The following SLC5A8 variants were observed in gnomAD, a reference collection of about 807,000 sequenced individuals.
SLC5A8 encodes the protein solute carrier family 5 member 8, also known as sodium-coupled monocarboxylate transporter 1.
Under a neutral mutation model 71.9 loss-of-function variants are expected in SLC5A8, and 55 were observed. The observed-to-expected ratio is 0.77, with a 90% CI of 0.62 to 0.96. The LOEUF is 0.96. Ranked by LOEUF, SLC5A8 falls within the 40% of genes least tolerant of loss-of-function variation. SLC5A8 has a pLI of 0.00. For missense variants in SLC5A8, 701 were observed against 745.3 expected, an observed-to-expected ratio of 0.94 and a Z score of 0.69; for synonymous variants, 307 against 276.1, an observed-to-expected ratio of 1.11 and a Z score of -1.11.
At chr12:101,180,182 CA>C in intron 9 of SLC5A8, 86 bp from the exon 10 acceptor site, 1 of 1,331,672 alleles carries the variant, frequency 7.5e-7, no homozygotes, top group South Asian at 1.2e-5. Context: ...ACCTTTGATT[CA>C]AAGTGGATAA....
intron 13 of SLC5A8, among the ~76,000 whole-genome samples, chr12:101,158,762 A>G (rs2051699084): frequency 2.7e-5 from 4 of 150,748 alleles, no homozygotes. Flanking sequence ...CCTCCATGCC[A>G]TCAGTAAAAT....
chr12:101,209,491 C>T lies in SLC5A8; in HGVS notation c.351+7G>A. The T allele has an allele frequency of 1.3e-6, 2 of 1,570,598 alleles. No individual in the cohort carries two copies. Among genetic ancestry groups the T allele is most frequent in the Non-Finnish European group, 8.7e-7 (1 of 1,154,858 alleles). The stretch of plus-strand genomic sequence containing the variant: ...CCTGCATGGTCCCAGCCCACCCTGC[C>T]CCTTACCTCGTAGGTGCTGGTAATT... On this transcript the variant is annotated splice_region_variant and intron_variant, in intron 1 of 14. Coordinates refer to ENST00000536262, the MANE Select transcript of SLC5A8 (RefSeq NM_145913.5).
intron 7 of SLC5A8, among the ~76,000 whole-genome samples, chr12:101,185,488 A>G (rs1868594028): frequency 6.6e-6 from 1 of 152,238 alleles, no homozygotes; most frequent in South Asian, 2.1e-4. Flanking sequence ...GTAAAACTAT[A>G]TCTAGAAACT....
At chr12:101,190,682 G>A in intron 5 of SLC5A8, 74 bp from the exon 6 acceptor site, 1 of 1,402,958 alleles carries the variant, frequency 7.1e-7, no homozygotes, top group Non-Finnish European at 9.5e-7. Flanking sequence ...GACTATATTT[G>A]GAAGCAAGCA....
chr12:101,177,699 T>C (rs979342054), intron 10 of SLC5A8, among the ~76,000 whole-genome samples: 4 of 152,114 alleles, frequency 2.6e-5, no homozygotes, highest in Admixed American at 6.6e-5. Flanking sequence ...GAAGATCACA[T>C]GATCATATAA....
intron 13 of SLC5A8, 22 bp from the exon 14 acceptor site, chr12:101,158,350 A>T (rs369781454): frequency 4.0e-6 from 6 of 1,500,778 alleles, no homozygotes; most frequent in Non-Finnish European, 5.5e-6. Flanking sequence ...AATGTACATG[A>T]CTTACGTTGT....
At position 101,164,969 on chromosome 12, in the gene SLC5A8, A is replaced by G. The variant is rs562141890; in HGVS notation, c.1526+1525T>C. 1.5e-3 allele frequency among the ~76,000 whole-genome samples: 232 copies of G among 152,312 alleles called. 1 individual carries two copies. The highest frequency in any genetic ancestry group is 2.6e-3 in the Non-Finnish European group (176 of 68,018). ...CAACTTTGTACTCACTCTTTTAACAAAAATGTATCAAGTATTTTTTATTTA... is the reference window on the plus strand; with the variant it reads ...CAACTTTGTACTCACTCTTTTAACAGAAATGTATCAAGTATTTTTTATTTA... On this transcript the variant is annotated intron_variant, in intron 12 of 14. Transcript: ENST00000536262.
chr12:101,194,009 A>G (rs1869048733), intron 4 of SLC5A8, among the ~76,000 whole-genome samples: 1 of 152,240 alleles, frequency 6.6e-6, no homozygotes, highest in Non-Finnish European at 1.5e-5. Flanking sequence ...CAGAGAAAAC[A>G]GCATGGGCAA....
intron 10 of SLC5A8, among the ~76,000 whole-genome samples, chr12:101,178,414 G>T: frequency 6.6e-6 from 1 of 152,120 alleles, no homozygotes; most frequent in East Asian, 1.9e-4. Context: ...TTTTAAAGCT[G>T]CAGTAATCAA....
At chr12:101,203,790 T>C (rs1869557123) in intron 2 of SLC5A8, among the ~76,000 whole-genome samples, 1 of 152,222 alleles carries the variant, frequency 6.6e-6, no homozygotes, top group South Asian at 2.1e-4. Context: ...ATGACAATGA[T>C]CATTACAATC....
intron 1 of SLC5A8, among the ~76,000 whole-genome samples, 169 bp downstream of exon 1, chr12:101,209,329 A>G (rs1869811715): frequency 6.6e-6 from 1 of 152,098 alleles, no homozygotes; most frequent in Non-Finnish European, 1.5e-5. Flanking sequence ...GAAAGATGCC[A>G]GGTGAAGATC....
At chr12:101,184,311 G>T in intron 7 of SLC5A8, 89 bp from the exon 8 acceptor site, 2 of 1,091,000 alleles carry the variant, frequency 1.8e-6, no homozygotes, top group Non-Finnish European at 1.4e-6. Flanking sequence ...TGTCTCCTTC[G>T]GGAACTGAAA....
At chr12:101,172,067 G>T (rs919362585) in intron 10 of SLC5A8, among the ~76,000 whole-genome samples, 3 of 152,150 alleles carry the variant, frequency 2.0e-5, no homozygotes, top group African/African-American at 7.2e-5. Flanking sequence ...GTGTGCTGAG[G>T]TGCTGTCAAA....
rs1485096540 is a variant in SLC5A8, at chr12:101,155,980, T to G, written c.*1299A>C. 1 of 152,132 alleles carries G rather than the reference T, an allele frequency of 6.6e-6. No homozygotes were observed. The highest frequency in any genetic ancestry group is 1.5e-5 in the Non-Finnish European group (1 of 68,026). The allele number at this position is 152,132 out of a possible 1,614,324, so 9.4% of individuals were successfully genotyped here. A position where few individuals can be genotyped will look rare whatever the true frequency, so the allele number is the denominator to read the frequency against. ...AAAAATTGAGTTTAAAAAAGAACTT[T>G]TAAACAGTATCTAATGTGGGAACTG... On this transcript the variant is annotated 3_prime_UTR_variant, in exon 15 of 15. Coordinates refer to ENST00000536262, the MANE Select transcript of SLC5A8 (RefSeq NM_145913.5).
rs777774665 is a variant in SLC5A8 at position 101,190,560 on chromosome 12, T to TATA, written c.738_740dup (p.Ile247dup). 4 of 1,613,222 alleles carry TATA rather than the reference T, an allele frequency of 2.5e-6. No homozygotes were observed. In the African/African-American group the frequency reaches 4.0e-5, roughly 16 times the overall value. On this transcript the variant is annotated inframe_insertion, in exon 6 of 15. Transcript: ENST00000536262. ...TGCTGGTCCATGTGAAGGTCCCTCCTATAATAATTGTCCAGAAGGTGTGTC... is the reference window on the plus strand; with the variant it reads ...TGCTGGTCCATGTGAAGGTCCCTCCTATAATAATAATTGTCCAGAAGGTGTGTC...
chr12:101,204,249 C>T (rs906318351), intron 2 of SLC5A8, among the ~76,000 whole-genome samples: 17 of 152,148 alleles, frequency 1.1e-4, no homozygotes, highest in South Asian at 4.2e-4. Context: ...GCATATTTTC[C>T]GACTGTTGCT....
intron 11 of SLC5A8, among the ~76,000 whole-genome samples, chr12:101,167,432 T>G (rs1410977724): frequency 6.6e-6 from 1 of 152,228 alleles, no homozygotes; most frequent in East Asian, 1.9e-4. Flanking sequence ...ACATACATTA[T>G]CAGTTTTTCC....
intron 1 of SLC5A8, among the ~76,000 whole-genome samples, chr12:101,208,245 G>A (rs1321005646): frequency 2.6e-5 from 4 of 152,150 alleles, no homozygotes; most frequent in Non-Finnish European, 5.9e-5. Context: ...TGAATGGAAG[G>A]CAATGCTGCC....
intron 1 of SLC5A8, among the ~76,000 whole-genome samples, chr12:101,209,044 C>G (rs2137176217): frequency 6.6e-6 from 1 of 152,166 alleles, no homozygotes; most frequent in South Asian, 2.1e-4. Context: ...AAGGGGAGTA[C>G]AAATTCTTTA....
Sources: gnomAD v4.1 joint callset for allele counts (sites outside exome capture counted in the v4.1 genomes callset) on GRCh38, gnomAD v4.1.1 for gene constraint, MANE v1.5 for transcripts, NCBI Gene and HGNC (gene_info 2026-07-23, HGNC 2026-07-21) for gene names.